Variants in DYM observed in about 807,000 individuals in gnomAD.
DYM encodes dyggve-Melchior-Clausen syndrome protein.
A neutral mutation model predicts 93.1 loss-of-function variants in DYM; 78 were observed. The observed-to-expected ratio is 0.84, with a 90% CI of 0.70 to 1.01. DYM has a LOEUF of 1.01. Ranked by LOEUF, DYM falls within the 50% of genes least tolerant of loss-of-function variation. The probability of loss-of-function intolerance (pLI) is 0.00; values close to 1 mark genes in which losing one functional copy is unlikely to be tolerated. For missense variants in DYM, 789 were observed against 845.0 expected (o/e 0.93, Z 0.82); for synonymous variants, 321 against 319.7 (o/e 1.00, Z -0.04).
chr18:49,187,412 A>T (rs1255516156), intron 14 of DYM, among the ~76,000 whole-genome samples: 2 of 152,198 alleles, frequency 1.3e-5, no homozygotes, highest in Non-Finnish European at 2.9e-5. Flanking sequence ...GAAAGCTGTC[A>T]CTTTTGGGCC....
intron 17 of DYM, among the ~76,000 whole-genome samples, chr18:49,080,152 G>GGGGGGT (rs1555742982): frequency 8.4e-5 from 5 of 59,318 alleles, no homozygotes; most frequent in Non-Finnish European, 2.1e-4. Context: ...CGGCTGGCCG[G>GGGGGGT]GGGGGGGCTG....
chr18:49,098,447 A>C (rs1031431216), intron 16 of DYM, among the ~76,000 whole-genome samples: 17 of 152,202 alleles, frequency 1.1e-4, no homozygotes, highest in Non-Finnish European at 2.5e-4. Context: ...TATCCATTCT[A>C]GTGGAAAGTA....
chr18:49,189,411 AT>A (rs1246516870), intron 14 of DYM, among the ~76,000 whole-genome samples: 1 of 152,188 alleles, frequency 6.6e-6, no homozygotes, highest in East Asian at 1.9e-4. Flanking sequence ...AAACTTCTAA[AT>A]GGCATATGGA....
At chr18:49,359,057 CCAGA>C (rs1480006070) in intron 6 of DYM, among the ~76,000 whole-genome samples, 59 of 152,150 alleles carry the variant, frequency 3.9e-4, no homozygotes, top group Admixed American at 1.8e-3. Context: ...CTACAAGAAC[CCAGA>C]CAGTGTCACA....
At chr18:49,189,052 GA>G (rs201758654) in intron 14 of DYM, among the ~76,000 whole-genome samples, 1,700 of 151,960 alleles carry the variant, frequency 0.011, 32 homozygotes, top group African/African-American at 0.039. Flanking sequence ...AATTAACACA[GA>G]AAAAAAACTA....
chr18:49,128,216 A>G (rs1404776177), intron 15 of DYM, among the ~76,000 whole-genome samples: 1 of 152,242 alleles, frequency 6.6e-6, no homozygotes, highest in Non-Finnish European at 1.5e-5. Context: ...TTAGCAGGCC[A>G]CTTGCAGTGG....
intron 13 of DYM, among the ~76,000 whole-genome samples, chr18:49,225,938 T>G (rs2093511761): frequency 6.6e-6 from 1 of 152,170 alleles, no homozygotes; most frequent in African/African-American, 2.4e-5. Context: ...GATATAAATT[T>G]GGCAATAGCT....
chr18:49,219,917 C>G (rs1600760894), intron 13 of DYM, among the ~76,000 whole-genome samples: 1 of 133,964 alleles, frequency 7.5e-6, no homozygotes, highest in African/African-American at 2.6e-5. Context: ...GGCAATTAGG[C>G]AGAAGGAAAT....
chr18:49,417,217 A>G (rs1037594455), intron 2 of DYM, among the ~76,000 whole-genome samples: 1 of 152,154 alleles, frequency 6.6e-6, no homozygotes, highest in Admixed American at 6.5e-5. Context: ...TGGCCTGACC[A>G]TAGTCACTAC....
intron 17 of DYM, among the ~76,000 whole-genome samples, chr18:49,088,709 G>A (rs1568400887): frequency 1.3e-5 from 2 of 152,112 alleles, no homozygotes; most frequent in Non-Finnish European, 2.9e-5. Flanking sequence ...TATGCTTTCA[G>A]TTACACAAAT....
chr18:49,138,831 C>T (rs1025416200), intron 15 of DYM, among the ~76,000 whole-genome samples: 17 of 152,128 alleles, frequency 1.1e-4, no homozygotes, highest in Middle Eastern at 6.8e-3. Flanking sequence ...TACAGAAGTA[C>T]AGGAAGTGTC....
intron 1 of DYM, among the ~76,000 whole-genome samples, chr18:49,441,267 TA>T (rs1443824838): frequency 1.9e-4 from 7 of 36,328 alleles, no homozygotes; most frequent in Admixed American, 5.4e-4. Flanking sequence ...TATAATTATA[TA>T]ATATATATTA....
intron 11 of DYM, among the ~76,000 whole-genome samples, chr18:49,270,103 A>T (rs1384234527): frequency 6.6e-6 from 1 of 152,250 alleles, no homozygotes. Flanking sequence ...TATACCTCAC[A>T]GCCTAGGCGT....
chr18:49,400,852 G>A (rs2070731604), intron 2 of DYM, among the ~76,000 whole-genome samples: 1 of 152,132 alleles, frequency 6.6e-6, no homozygotes, highest in African/African-American at 2.4e-5. Context: ...GTTGGTAACT[G>A]TTGCTGCCTG....
chr18:49,119,276 T>C (rs2082170642), intron 15 of DYM, among the ~76,000 whole-genome samples: 1 of 152,204 alleles, frequency 6.6e-6, no homozygotes, highest in Non-Finnish European at 1.5e-5. Flanking sequence ...AAGACTTCCA[T>C]GATGTAGAGT....
intron 13 of DYM, among the ~76,000 whole-genome samples, chr18:49,243,606 A>G (rs1186927976): frequency 6.7e-6 from 1 of 149,336 alleles, no homozygotes; most frequent in Non-Finnish European, 1.5e-5. Context: ...TGGAGGTTGC[A>G]GTGAGCTGAG....
chr18:49,377,657 G>A (rs1193741308), intron 5 of DYM, among the ~76,000 whole-genome samples: 1 of 152,148 alleles, frequency 6.6e-6, no homozygotes, highest in East Asian at 1.9e-4. Context: ...AGTACATTGT[G>A]ATGTTGACCT....
chr18:49,140,882 C>T (rs1669456024), intron 15 of DYM, among the ~76,000 whole-genome samples: 1 of 152,038 alleles, frequency 6.6e-6, no homozygotes, highest in African/African-American at 2.4e-5. Context: ...CAAAATAATC[C>T]CCACTTTTCC....
In DYM at chr18:49,174,818, G is replaced by C. The variant is rs529227804; in HGVS notation, c.1626-11031C>G. 4.6e-5 allele frequency among the ~76,000 whole-genome samples: 7 copies of C among 151,780 alleles called. No homozygotes were observed. The East Asian group carries it at 1.4e-3, about 29-fold the overall frequency. ...CCCATGTGCAAGAAGAGAGAATGAA[G>C]TGAACTTAAGCTGAGACAGAGAGAG... On this transcript the variant is annotated intron_variant, in intron 14 of 17. Coordinates refer to ENST00000675505, the MANE Select transcript of DYM (RefSeq NM_001353214.3).
Sources: gnomAD v4.1 joint callset for allele counts (sites outside exome capture counted in the v4.1 genomes callset) on GRCh38, gnomAD v4.1.1 for gene constraint, MANE v1.5 for transcripts, NCBI Gene and HGNC (gene_info 2026-07-23, HGNC 2026-07-21) for gene names.